The following SNX30 variants were observed in gnomAD, a reference collection of about 807,000 sequenced individuals.
The protein encoded by SNX30 is sorting nexin family member 30.
Under a neutral mutation model 46.4 loss-of-function variants are expected in SNX30, and 24 were observed. The ratio of observed to expected loss-of-function variants is 0.52; its 90% CI spans 0.37 to 0.73. SNX30 has a LOEUF of 0.73. Ranked by LOEUF, SNX30 falls within the 30% of genes least tolerant of loss-of-function variation. The pLI, the probability that SNX30 is intolerant of heterozygous loss-of-function variation, is 0.00. For synonymous variants in SNX30, 189 were observed against 211.5 expected, an observed-to-expected ratio of 0.89 and a Z score of 0.92; for missense variants, 533 against 555.7, an observed-to-expected ratio of 0.96 and a Z score of 0.41.
At position 112,824,845 on chromosome 9, in the gene SNX30, G is replaced by A. The variant is rs75651076; in HGVS notation, c.460-5880G>A. 7.9e-3 allele frequency among the ~76,000 whole-genome samples: 1,200 copies of A among 152,246 alleles called. 11 individuals carry two copies. Among genetic ancestry groups the A allele is most frequent in the African/African-American group, 0.027 (1,138 of 41,550 alleles). On this transcript the variant is annotated intron_variant, in intron 3 of 8. Coordinates refer to ENST00000374232, the MANE Select transcript of SNX30 (RefSeq NM_001012994.2). ...TACACATCACCATTTTAACCATTCT[G>A]AAGTGTCCAATTCAGTGACTTTTAG...
downstream of SNX30, chr9:112,881,789 T>G (rs1195140039): frequency 6.6e-6 from 1 of 152,238 alleles, no homozygotes; most frequent in Non-Finnish European, 1.5e-5. Flanking sequence ...ATTAAACAGC[T>G]AATCATGAAA....
intron 5 of SNX30, among the ~76,000 whole-genome samples, chr9:112,837,190 T>C (rs1216694165): frequency 3.9e-5 from 6 of 152,152 alleles, no homozygotes. Flanking sequence ...AGATTTTCTT[T>C]ACGGGGGAAA....
intron 1 of SNX30, among the ~76,000 whole-genome samples, chr9:112,780,923 G>A (rs1477162943): frequency 6.6e-6 from 1 of 152,146 alleles, no homozygotes; most frequent in Non-Finnish European, 1.5e-5. Flanking sequence ...ATTGAAGGTG[G>A]GGATGCCAGT....
At chr9:112,810,535 G>C (rs1258699196) in intron 2 of SNX30, among the ~76,000 whole-genome samples, 9 of 152,208 alleles carry the variant, frequency 5.9e-5, no homozygotes, top group African/African-American at 2.2e-4. Context: ...GGTCCCAAGA[G>C]GCTGAGAAAC....
intron 2 of SNX30, among the ~76,000 whole-genome samples, chr9:112,805,914 T>C (rs374285010): frequency 1.3e-5 from 2 of 152,368 alleles, no homozygotes; most frequent in African/African-American, 4.8e-5. Context: ...ATACAGCCTA[T>C]ATTTTAATTT....
At chr9:112,788,271 T>A (rs1308667590) in intron 1 of SNX30, among the ~76,000 whole-genome samples, 2 of 152,146 alleles carry the variant, frequency 1.3e-5, no homozygotes, top group Non-Finnish European at 2.9e-5. Context: ...TGATATTTTG[T>A]TTCCTCTAGG....
intron 3 of SNX30, among the ~76,000 whole-genome samples, chr9:112,828,380 G>A (rs991891246): frequency 6.6e-6 from 1 of 152,112 alleles, no homozygotes; most frequent in Non-Finnish European, 1.5e-5. Flanking sequence ...TCGCCTCGGT[G>A]TGTAGTAGCC....
chr9:112,852,139 A>T (rs946847345), intron 7 of SNX30, among the ~76,000 whole-genome samples: 2 of 151,572 alleles, frequency 1.3e-5, no homozygotes, highest in Non-Finnish European at 2.9e-5. Context: ...CTTACTGGGG[A>T]GGTTGAGGTG....
intron 7 of SNX30, among the ~76,000 whole-genome samples, chr9:112,861,144 ATGCAGTGCTGATAACTCCAAGGTCG>A (rs1218867794): frequency 6.6e-6 from 1 of 152,226 alleles, no homozygotes; most frequent in Non-Finnish European, 1.5e-5. Context: ...AGAGGGCTTC[ATGCAGTGCTGATAACTCCAAGGTCG>A]CAGTGAGCAA....
At chr9:112,757,330 C>G (rs1184803994) in intron 1 of SNX30, among the ~76,000 whole-genome samples, 3 of 152,186 alleles carry the variant, frequency 2.0e-5, no homozygotes, top group African/African-American at 7.2e-5. Context: ...AGATGTCATT[C>G]TTTTCTGGGG....
intron 1 of SNX30, among the ~76,000 whole-genome samples, chr9:112,770,326 C>T (rs1363263103): frequency 6.6e-6 from 1 of 151,898 alleles, no homozygotes. Flanking sequence ...CACCTGCCAC[C>T]ACACCCGACT....
chr9:112,776,263 T>C (rs1291818714), intron 1 of SNX30, among the ~76,000 whole-genome samples: 3 of 152,228 alleles, frequency 2.0e-5, no homozygotes, highest in Non-Finnish European at 2.9e-5. Context: ...TCTCATTTTA[T>C]TGCATTTTAT....
intron 1 of SNX30, among the ~76,000 whole-genome samples, chr9:112,788,192 T>C (rs778677475): frequency 5.3e-5 from 8 of 152,010 alleles, no homozygotes; most frequent in Admixed American, 2.0e-4. Context: ...ACTTGAGTGT[T>C]TTTTTTTGTC....
intron 6 of SNX30, among the ~76,000 whole-genome samples, chr9:112,839,335 C>T (rs1840818846): frequency 6.6e-6 from 1 of 152,174 alleles, no homozygotes; most frequent in African/African-American, 2.4e-5. Flanking sequence ...CAGCCCAAAG[C>T]ATATTATTGT....
At chr9:112,774,832 G>A (rs924818945) in intron 1 of SNX30, among the ~76,000 whole-genome samples, 2 of 146,110 alleles carry the variant, frequency 1.4e-5, no homozygotes, top group Non-Finnish European at 3.0e-5. Flanking sequence ...TATGTTCTGA[G>A]TTATTTATAT....
chr9:112,863,556 T>C (rs1165484109), intron 7 of SNX30, among the ~76,000 whole-genome samples: 1 of 152,256 alleles, frequency 6.6e-6, no homozygotes. Context: ...AAACTTGAAA[T>C]AGCCTGCTGT....
chr9:112,833,265 G>A (rs1840697960), intron 4 of SNX30, among the ~76,000 whole-genome samples: 1 of 151,330 alleles, frequency 6.6e-6, no homozygotes, highest in African/African-American at 2.4e-5. Context: ...CTTGTTCTGA[G>A]ATGAGCCACT....
intron 3 of SNX30, 41 bp downstream of exon 3, chr9:112,817,856 G>A (rs1840425845): frequency 7.4e-7 from 1 of 1,360,516 alleles, no homozygotes; most frequent in East Asian, 2.3e-5. Context: ...CACTTGTCCT[G>A]TGTTGTCTTT....
intron 3 of SNX30, among the ~76,000 whole-genome samples, chr9:112,828,469 T>G (rs1040038814): frequency 2.0e-5 from 3 of 152,192 alleles, no homozygotes; most frequent in African/African-American, 7.2e-5. Flanking sequence ...TTTCTCAGAG[T>G]GTATCTCTGT....
Sources: gnomAD v4.1 joint callset for allele counts (sites outside exome capture counted in the v4.1 genomes callset) on GRCh38, gnomAD v4.1.1 for gene constraint, MANE v1.5 for transcripts, NCBI Gene and HGNC (gene_info 2026-07-23, HGNC 2026-07-21) for gene names.